ACVR2B: variants seen among roughly 807,000 people sequenced by gnomAD.
ACVR2B encodes activin receptor type-2B.
ACVR2B carries 18 observed loss-of-function variants against 65.1 expected under a neutral mutation model. The ratio of observed to expected loss-of-function variants is 0.28; its 90% confidence interval spans 0.19 to 0.41. ACVR2B has a LOEUF of 0.41. Among genes scored for constraint, ACVR2B ranks in the 10% least tolerant of loss-of-function variants. The pLI, the probability that ACVR2B is intolerant of heterozygous loss-of-function variation, is 1.00. For synonymous variants in ACVR2B, 298 were observed against 277.7 expected, an observed-to-expected ratio of 1.07 and a Z score of -0.73; for missense variants, 482 against 682.7, an observed-to-expected ratio of 0.71 and a Z score of 3.28.
chr3:38,489,940 C>T lies in ACVR2B; in HGVS notation c.*6608C>T, dbSNP rs941074498. 2 of 152,198 alleles carry T rather than the reference C, an allele frequency of 1.3e-5. No homozygotes were observed. The highest frequency in any genetic ancestry group is 4.8e-5 in the African/African-American group (2 of 41,450). 9.4% of individuals were successfully genotyped at this position (152,198 alleles called of 1,614,324 possible). A position where few individuals can be genotyped will look rare whatever the true frequency, so the allele number is the denominator to read the frequency against. ...AGAGCTGCCAGGCACATTTTGTCCT[C>T]TCTGGTCAGTGAGAATGGTTGGGTT... On this transcript the variant is annotated 3_prime_UTR_variant, in exon 11 of 11. Transcript: ENST00000352511.
chr3:38,474,080 C>T (rs1709866375), intron 1 of ACVR2B: 1 of 152,314 alleles, frequency 6.6e-6, no homozygotes, highest in Non-Finnish European at 1.5e-5. Context: ...CCAGGTTTCA[C>T]CACATTGGCC....
chr3:38,472,255 A>G (rs1417854316), intron 1 of ACVR2B, among the ~76,000 whole-genome samples: 1 of 152,052 alleles, frequency 6.6e-6, no homozygotes, highest in Non-Finnish European at 1.5e-5. Flanking sequence ...CATAACATGG[A>G]TAAGTCACTG....
chr3:38,456,875 G>A (rs140062923), intron 1 of ACVR2B, among the ~76,000 whole-genome samples: 11 of 152,204 alleles, frequency 7.2e-5, no homozygotes, highest in Admixed American at 1.3e-4. Flanking sequence ...AATTTTGGGG[G>A]GACACATTCT....
Position 38,477,161 on chromosome 3 carries a change from T to C in ACVR2B, c.53-126T>C. On this transcript the variant is annotated intron_variant, in intron 1 of 10. Transcript: ENST00000352511. The surrounding 1 kb of genome is among the most constrained non-coding windows in gnomAD (Gnocchi z 6.7). ...TACGTCCAGGGGTGAGTGCAGGAGG[T>C]TGGTGACCCCAACCCACCACCCGGC... is the stretch of plus-strand genomic sequence containing the variant. The C allele has an allele frequency of 1.4e-5, 15 of 1,039,876 alleles. No individual in the cohort carries two copies. In the South Asian group the frequency reaches 2.2e-4, roughly 15 times the overall value. The allele number at this position is 1,039,876 out of a possible 1,614,324, so 64.4% of individuals were successfully genotyped here.
intron 1 of ACVR2B, among the ~76,000 whole-genome samples, chr3:38,456,244 T>C (rs1193815125): frequency 2.0e-5 from 3 of 152,194 alleles, no homozygotes; most frequent in Non-Finnish European, 4.4e-5. Flanking sequence ...AACCAGTCCC[T>C]GACCTGTGGA....
intron 7 of ACVR2B, 80 bp downstream of exon 7, chr3:38,479,906 G>C (rs1709987717): frequency 6.5e-7 from 1 of 1,538,302 alleles, no homozygotes; most frequent in African/African-American, 1.4e-5. Context: ...AGTGTCTGGA[G>C]ATGTCTCAAC....
intron 1 of ACVR2B, among the ~76,000 whole-genome samples, chr3:38,471,863 G>A (rs1184134895): frequency 1.3e-5 from 2 of 152,218 alleles, no homozygotes; most frequent in African/African-American, 4.8e-5. Flanking sequence ...CTGGGATGTA[G>A]TGTGAGCTGT....
At chr3:38,468,158 G>A (rs1709763073) in intron 1 of ACVR2B, among the ~76,000 whole-genome samples, 1 of 152,174 alleles carries the variant, frequency 6.6e-6, no homozygotes, top group South Asian at 2.1e-4. Context: ...GGGATTATGG[G>A]CATGAGCCAC....
intron 1 of ACVR2B, among the ~76,000 whole-genome samples, chr3:38,457,095 G>A (rs1295478207): frequency 2.0e-5 from 3 of 152,050 alleles, no homozygotes; most frequent in East Asian, 3.9e-4. Context: ...TCCCAGCTGC[G>A]CCAGAGGCTG....
chr3:38,465,320 T>C (rs2968496), intron 1 of ACVR2B, among the ~76,000 whole-genome samples: 1 of 148,576 alleles, frequency 6.7e-6, no homozygotes, highest in Non-Finnish European at 1.5e-5. Context: ...ATTGCTTGAA[T>C]CTGGGAGGCA....
intron 1 of ACVR2B, among the ~76,000 whole-genome samples, chr3:38,462,480 C>T (rs572881074): frequency 6.6e-6 from 1 of 152,316 alleles, no homozygotes; most frequent in East Asian, 1.9e-4. Flanking sequence ...ACTATTCTAA[C>T]TTCTAACAGC....
chr3:38,478,152 C>G lies in ACVR2B; in HGVS notation c.382C>G (p.Pro128Ala). The change falls in exon 4 of 11, where the codon CCA becomes GCA. Residue 128 changes from proline (P) to alanine (A), a missense_variant. By Grantham distance (27) the Pro-to-Ala change is conservative. Transcript: ENST00000352511. The stretch of plus-strand genomic sequence containing the variant: ...TGTGTGTCCCCCAGTCACGTACGAG[C>G]CACCCCCGACAGCCCCCACCCTGCT... ...EAGGPEVTYE[P>A]PPTAPTLLTV... The G allele has an allele frequency of 6.2e-7, 1 of 1,611,818 alleles. No homozygotes were observed. The highest frequency in any genetic ancestry group is 1.1e-5 in the South Asian group (1 of 90,984).
At chr3:38,456,630 G>T (rs1440666072) in intron 1 of ACVR2B, among the ~76,000 whole-genome samples, 3 of 152,184 alleles carry the variant, frequency 2.0e-5, no homozygotes, top group African/African-American at 7.2e-5. Flanking sequence ...GTGCTGGCAT[G>T]GTTGGGTTCT....
At position 38,489,274 on chromosome 3, in the gene ACVR2B, T is replaced by G. The variant is rs563183845; in HGVS notation, c.*5942T>G. The G allele has an allele frequency of 6.6e-6, 1 of 152,668 alleles. No homozygotes were observed. Among genetic ancestry groups the G allele is most frequent in the Non-Finnish European group, 1.5e-5 (1 of 68,026 alleles). The allele number at this position is 152,668 out of a possible 1,614,324, so 9.5% of individuals were successfully genotyped here. ...TCGATAGTTCTACATATATATTTAG[T>G]TATATCACTTGACAGATTTCTTCTA... On this transcript the variant is annotated 3_prime_UTR_variant, in exon 11 of 11. Transcript: ENST00000352511.
intron 1 of ACVR2B, among the ~76,000 whole-genome samples, chr3:38,467,597 A>T (rs1709753736): frequency 6.6e-6 from 1 of 152,048 alleles, no homozygotes; most frequent in African/African-American, 2.4e-5. Flanking sequence ...CAAAAAAAAA[A>T]AAATTAGCCG....
chr3:38,464,709 A>G (rs1709701607), intron 1 of ACVR2B, among the ~76,000 whole-genome samples: 1 of 152,180 alleles, frequency 6.6e-6, no homozygotes, highest in Admixed American at 6.5e-5. Context: ...TGAGATCCCA[A>G]AGATATAGAA....
At chr3:38,462,795 A>G (rs1487124962) in intron 1 of ACVR2B, among the ~76,000 whole-genome samples, 3 of 152,244 alleles carry the variant, frequency 2.0e-5, no homozygotes, top group Non-Finnish European at 4.4e-5. Flanking sequence ...ATGAGAAAAT[A>G]ACATCTGGAT....
At chr3:38,466,278 T>C (rs1190886210) in intron 1 of ACVR2B, among the ~76,000 whole-genome samples, 1 of 151,870 alleles carries the variant, frequency 6.6e-6, no homozygotes. Flanking sequence ...AAGGAAAAAA[T>C]TCTGGTCTGT....
chr3:38,478,604 C>A, intron 5 of ACVR2B, 86 bp downstream of exon 5: 1 of 1,578,606 alleles, frequency 6.3e-7, no homozygotes, highest in Non-Finnish European at 8.7e-7. Flanking sequence ...CAATCCAAAC[C>A]CCAAATAATA....
Sources: allele counts gnomAD v4.1 joint callset (sites outside exome capture counted in the v4.1 genomes callset), GRCh38; gene constraint gnomAD v4.1.1; non-coding constraint Gnocchi (gnomAD v3.1); transcripts MANE v1.5; gene names NCBI Gene and HGNC (gene_info 2026-07-23, HGNC 2026-07-21).